EHBP1: variants seen among roughly 807,000 people sequenced by gnomAD.
EHBP1 encodes the protein EH domain binding protein 1.
In EHBP1, 55 loss-of-function variants were observed where a neutral mutation model predicts 144.0. The observed-to-expected ratio is 0.38, with a 90% CI of 0.31 to 0.48. The LOEUF is 0.48. Among genes scored for constraint, EHBP1 ranks in the 20% least tolerant of loss-of-function variants. EHBP1 has a pLI of 0.98. For missense variants in EHBP1, 1,200 were observed against 1,364.2 expected (o/e 0.88, Z 1.90); for synonymous variants, 469 against 472.7 (o/e 0.99, Z 0.10).
At chr2:62,913,061 G>GTCCTA (rs2054347326) in intron 10 of EHBP1, among the ~76,000 whole-genome samples, 1 of 152,076 alleles carries the variant, frequency 6.6e-6, no homozygotes, top group Admixed American at 6.6e-5. Flanking sequence ...AACGATGTCT[G>GTCCTA]CATTCTCCCC....
At chr2:62,716,781 G>A (rs1211440436) in intron 2 of EHBP1, among the ~76,000 whole-genome samples, 1 of 152,150 alleles carries the variant, frequency 6.6e-6, no homozygotes, top group African/African-American at 2.4e-5. Context: ...CTCTTCCCGA[G>A]GCCCTTTGCT....
chr2:62,710,035 A>C (rs576331033), intron 2 of EHBP1, among the ~76,000 whole-genome samples: 3 of 152,142 alleles, frequency 2.0e-5, no homozygotes, highest in African/African-American at 7.2e-5. Flanking sequence ...TTAATTATTA[A>C]ATGATGTAGC....
chr2:62,792,065 C>A (rs1419593484), intron 5 of EHBP1, among the ~76,000 whole-genome samples: 1 of 152,028 alleles, frequency 6.6e-6, no homozygotes, highest in African/African-American at 2.4e-5. Context: ...CAACATTAGA[C>A]ACTTTGTTAT....
At chr2:62,697,695 C>A (rs1014792963) in intron 1 of EHBP1, among the ~76,000 whole-genome samples, 1 of 152,082 alleles carries the variant, frequency 6.6e-6, no homozygotes. Context: ...CTGAATATTT[C>A]TTAATAAATT....
At chr2:62,678,412 C>A (rs1307172103) in intron 1 of EHBP1, among the ~76,000 whole-genome samples, 1 of 152,060 alleles carries the variant, frequency 6.6e-6, no homozygotes, top group African/African-American at 2.4e-5. Context: ...GTTTGCAAAT[C>A]TTTTCTCTCA....
At chr2:63,021,200 C>T (rs2060731360) in intron 19 of EHBP1, among the ~76,000 whole-genome samples, 1 of 151,982 alleles carries the variant, frequency 6.6e-6, no homozygotes, top group Non-Finnish European at 1.5e-5. Flanking sequence ...TTCTCTGCAA[C>T]TCACATACAC....
exon 1 of EHBP1, chr2:62,673,932 G>A: frequency 2.3e-6 from 1 of 426,556 alleles, no homozygotes; most frequent in South Asian, 1.8e-5. Context: ...TGGGGATTTG[G>A]AGGTCCAAGT....
At chr2:62,764,512 A>G (rs1466842583) in intron 4 of EHBP1, 151 bp downstream of exon 4, 1 of 493,834 alleles carries the variant, frequency 2.0e-6, no homozygotes, top group Non-Finnish European at 3.5e-6. Context: ...ATAACAATGC[A>G]AAGGAATCAC....
chr2:62,722,127 A>G (rs1433063233), intron 2 of EHBP1, among the ~76,000 whole-genome samples: 3 of 152,018 alleles, frequency 2.0e-5, no homozygotes, highest in Non-Finnish European at 2.9e-5. Flanking sequence ...TCTTAAAAAT[A>G]GGAATTTTGT....
In EHBP1 at chr2:62,754,214, C is replaced by T. The variant is rs570472067; in HGVS notation, c.162+6762C>T. 9.8e-5 allele frequency among the ~76,000 whole-genome samples: 15 copies of T among 152,306 alleles called. No individual in the cohort carries two copies. The South Asian group carries it at 3.1e-3, about 32-fold the overall frequency. On this transcript the variant is annotated intron_variant, in intron 3 of 22. Coordinates refer to ENST00000431489, the MANE Select transcript of EHBP1 (RefSeq NM_001142616.3). ...GTTTGTTAGTTTCCCATCTAACAGT[C>T]AGGACCCTCAGCTGTAGGTCTGTTG...
At chr2:62,864,309 C>T (rs989943012) in intron 8 of EHBP1, among the ~76,000 whole-genome samples, 5 of 152,134 alleles carry the variant, frequency 3.3e-5, no homozygotes, top group Non-Finnish European at 7.3e-5. Flanking sequence ...CATAACCAGC[C>T]CATTTCATGT....
chr2:63,017,718 T>A (rs919731745), intron 19 of EHBP1, among the ~76,000 whole-genome samples: 1 of 152,194 alleles, frequency 6.6e-6, no homozygotes, highest in African/African-American at 2.4e-5. Context: ...TAAAAAAAGG[T>A]ATAATGAATT....
At chr2:62,687,447 A>G (rs2033756035) in intron 1 of EHBP1, among the ~76,000 whole-genome samples, 1 of 152,254 alleles carries the variant, frequency 6.6e-6, no homozygotes, top group East Asian at 1.9e-4. Context: ...CAGTTGTACT[A>G]GCAGAAGTCT....
At position 63,004,184 on chromosome 2, in the gene EHBP1, G is replaced by A. The variant is rs545239095; in HGVS notation, c.3103+7418G>A. On this transcript the variant is annotated intron_variant, in intron 19 of 22. Transcript: ENST00000431489. ...TTCCTTCTGTACAAATTTAAAGACT[G>A]GCATGCCATCCAATTATTAAATGGT... is the stretch of plus-strand genomic sequence containing the variant. Among the ~76,000 whole-genome samples the A allele has an allele frequency of 5.3e-5, 8 of 151,842 alleles. No individual in the cohort carries two copies. The East Asian group carries it at 1.5e-3, about 29-fold the overall frequency.
chr2:62,708,509 CT>C, intron 2 of EHBP1, among the ~76,000 whole-genome samples: 1 of 152,294 alleles, frequency 6.6e-6, no homozygotes, highest in East Asian at 1.9e-4. Flanking sequence ...TATTTAACTT[CT>C]CCGTGATTCA....
At chr2:62,839,073 A>T (rs1220263084) in intron 7 of EHBP1, among the ~76,000 whole-genome samples, 7 of 148,056 alleles carry the variant, frequency 4.7e-5, no homozygotes, top group African/African-American at 1.7e-4. Flanking sequence ...CTTGATGAAC[A>T]TTGATGCAAA....
chr2:62,881,054 C>T (rs759414969), intron 10 of EHBP1, among the ~76,000 whole-genome samples: 5 of 151,946 alleles, frequency 3.3e-5, no homozygotes, highest in Non-Finnish European at 5.9e-5. Context: ...TGGAATACTA[C>T]GCAGCCATAA....
intron 10 of EHBP1, among the ~76,000 whole-genome samples, chr2:62,885,222 AG>A (rs1173905592): frequency 6.6e-6 from 1 of 152,196 alleles, no homozygotes; most frequent in African/African-American, 2.4e-5. Flanking sequence ...TTCATGAAAA[AG>A]CACCAAGACT....
chr2:62,990,809 C>A lies in EHBP1; in HGVS notation c.2702C>A (p.Ala901Asp). ...TCACCCTCCAGTGCTGCCCAGAAAG[C>A]TGTAACTGAGAGCTCAGAGCAGGAC... ...ANSPSSAAQK[A>D]VTESSEQDMK... The change falls in exon 16 of 23, where the codon GCT becomes GAT. Residue 901 changes from alanine to aspartate, a missense_variant. This residue lies in a region of EHBP1 where 543 missense variants were observed against 513.1 expected (regional missense o/e 1.06). Coordinates refer to ENST00000431489, the MANE Select transcript of EHBP1 (RefSeq NM_001142616.3). The A allele has an allele frequency of 1.2e-6, 2 of 1,613,784 alleles. No individual in the cohort carries two copies. The highest frequency in any genetic ancestry group is 1.7e-6 in the Non-Finnish European group (2 of 1,179,788).
Sources: allele counts gnomAD v4.1 joint callset (sites outside exome capture counted in the v4.1 genomes callset), GRCh38; gene constraint gnomAD v4.1.1; regional missense constraint gnomAD v4.1.1; transcripts MANE v1.5; gene names NCBI Gene and HGNC (gene_info 2026-07-23, HGNC 2026-07-21).